ELP2: variants seen among roughly 807,000 people sequenced by gnomAD.
ELP2 encodes elongator acetyltransferase complex subunit 2, also known as elongator complex protein 2.
Under a neutral mutation model 119.2 loss-of-function variants are expected in ELP2, and 90 were observed. The ratio of observed to expected loss-of-function variants is 0.75; its 90% CI spans 0.64 to 0.90. The LOEUF (loss-of-function observed/expected upper bound fraction) is 0.90, where lower values mean the gene tolerates loss of function less well. Among genes scored for constraint, ELP2 ranks in the 40% least tolerant of loss-of-function variants. The pLI is 0.00. For missense variants in ELP2, 921 were observed against 967.8 expected (o/e 0.95, Z 0.64); for synonymous variants, 339 against 331.0 (o/e 1.02, Z -0.26).
At chr18:36,167,023 G>A (rs1251997863) in intron 18 of ELP2, 78 bp from the exon 19 acceptor site, 3 of 1,423,748 alleles carry the variant, frequency 2.1e-6, no homozygotes, top group Non-Finnish European at 1.9e-6. Context: ...GGTGTATATG[G>A]CACTTAAACA....
At position 36,154,992 on chromosome 18, in the gene ELP2, A is replaced by C. The variant is rs1014206139; in HGVS notation, c.1268A>C (p.Gln423Pro). Residue 423 changes from glutamine (Q) to proline (P), a missense_variant, in exon 12 of 22, where the codon CAA (glutamine) becomes CCA (proline). Transcript: ENST00000358232. Reference protein sequence around the residue: ...RLFAPWKRKDQSQVTWHEIAR... With the variant: ...RLFAPWKRKDPSQVTWHEIAR... The stretch of plus-strand genomic sequence containing the variant: ...TTTGCTCCATGGAAGAGAAAAGACC[A>C]ATCACAGGTAAAATGTCTTATTTAT... 4 of 1,612,262 alleles carry C rather than the reference A, an allele frequency of 2.5e-6. No individual in the cohort carries two copies. The highest frequency in any genetic ancestry group is 3.4e-6 in the Non-Finnish European group (4 of 1,178,280).
chr18:36,162,794 C>T (rs2090778715), intron 17 of ELP2, among the ~76,000 whole-genome samples: 1 of 152,122 alleles, frequency 6.6e-6, no homozygotes, highest in South Asian at 2.1e-4. Flanking sequence ...ATTTATATTT[C>T]TCTAATGATA....
rs113810922 is a variant in ELP2, at chr18:36,167,191, A to T, written c.2045A>T (p.Lys682Met). The change falls in exon 19 of 22, where the codon AAG becomes ATG. Residue 682 changes from lysine to methionine, a missense_variant. Lys to Met is a moderately conservative substitution (Grantham distance 95). Coordinates refer to ENST00000358232, the MANE Select transcript of ELP2 (RefSeq NM_018255.4). ...TCTTGTGATTGGAGTCCTGACAGCA[A>T]GTATTTCTTCACTGGGAGTCGAGAC... ...IWSCDWSPDSKYFFTGSRDKK... is the reference protein window; with the variant it reads ...IWSCDWSPDSMYFFTGSRDKK... 2.1e-5 allele frequency: 34 copies of T among 1,595,840 alleles called. No homozygotes were observed. The African/African-American group carries it at 3.2e-4, about 15-fold the overall frequency.
At chr18:36,158,522 C>T in intron 13 of ELP2, 1 of 265,670 alleles carries the variant, frequency 3.8e-6, no homozygotes, top group Non-Finnish European at 7.4e-6. Flanking sequence ...CCTGTCAGAC[C>T]CTGAAACCCA....
In ELP2 at chr18:36,154,998, A is replaced by T; in HGVS notation, c.1274A>T (p.Gln425Leu). Residue 425 changes from glutamine to leucine, a missense_variant and splice_region_variant, in exon 12 of 22, where the codon CAG (glutamine) becomes CTG (leucine). Gln to Leu is a moderately radical substitution (Grantham distance 113). Transcript: ENST00000358232. The part of the protein sequence containing the change: ...FAPWKRKDQS[Q>L]VTWHEIARPQ... The stretch of plus-strand genomic sequence containing the variant: ...CCATGGAAGAGAAAAGACCAATCAC[A>T]GGTAAAATGTCTTATTTATTTATTT... 6.2e-7 allele frequency: 1 copy of T among 1,611,086 alleles called. No individual in the cohort carries two copies. The highest frequency in any genetic ancestry group is 1.1e-5 in the South Asian group (1 of 90,990).
Position 36,170,865 on chromosome 18 carries a change from C to T in ELP2, c.2211-182C>T, listed in dbSNP as rs1055564326. ...ACACAGATAAATCTGTGTGCAGCCC[C>T]TGTAAAGAGGAGGCTCCTTGAGGAC... On this transcript the variant is annotated intron_variant, in intron 20 of 21. Coordinates refer to ENST00000358232, the MANE Select transcript of ELP2 (RefSeq NM_018255.4). The T allele has an allele frequency of 9.4e-6, 6 of 635,804 alleles. No homozygotes were observed. The Admixed American group carries it at 9.5e-5, about 10-fold the overall frequency. The allele number at this position is 635,804 out of a possible 1,614,324, so 39.4% of individuals were successfully genotyped here. A position where few individuals can be genotyped will look rare whatever the true frequency, so the allele number is the denominator to read the frequency against.
chr18:36,156,775 T>A (rs1334220806), intron 13 of ELP2, 121 bp downstream of exon 13: 1 of 958,174 alleles, frequency 1.0e-6, no homozygotes, highest in Non-Finnish European at 1.6e-6. Flanking sequence ...TGTTTCTTAA[T>A]GTAAGATGTG....
At chr18:36,164,370 C>A in intron 17 of ELP2, 105 bp from the exon 18 acceptor site, 2 of 1,127,450 alleles carry the variant, frequency 1.8e-6, no homozygotes, top group Non-Finnish European at 2.6e-6. Flanking sequence ...GGAATTCAAA[C>A]AGATAAATAA....
At chr18:36,133,434 T>C (rs2089707238) in intron 2 of ELP2, 118 bp downstream of exon 2, 2 of 750,258 alleles carry the variant, frequency 2.7e-6, no homozygotes, top group Non-Finnish European at 2.4e-6. Context: ...GTTATGCAAT[T>C]GGAGAAACAA....
chr18:36,130,132 T>C, intron 1 of ELP2, 61 bp downstream of exon 1: 5 of 1,609,220 alleles, frequency 3.1e-6, no homozygotes, highest in Non-Finnish European at 4.2e-6. Context: ...GTGGACGTGC[T>C]CCGGGCGCGC....
intron 3 of ELP2, 136 bp from the exon 4 acceptor site, chr18:36,138,134 A>G (rs2089896609): frequency 1.3e-6 from 1 of 779,946 alleles, no homozygotes; most frequent in Non-Finnish European, 2.1e-6. Flanking sequence ...ATGGTCAGAC[A>G]GACTTCTTGA....
At chr18:36,135,381 C>G (rs2089789012) in intron 2 of ELP2, among the ~76,000 whole-genome samples, 1 of 151,992 alleles carries the variant, frequency 6.6e-6, no homozygotes, top group Non-Finnish European at 1.5e-5. Context: ...TATAGACATT[C>G]TTAAAATCAT....
At position 36,176,853 on chromosome 18, in the gene ELP2, C is replaced by T. The variant is rs755535978; in HGVS notation, c.*2212C>T. The T allele has an allele frequency of 6.6e-6, 1 of 152,190 alleles. No individual in the cohort carries two copies. The highest frequency in any genetic ancestry group is 1.5e-5 in the Non-Finnish European group (1 of 68,038). 9.4% of individuals were successfully genotyped at this position (152,190 alleles called of 1,614,324 possible). On this transcript the variant is annotated 3_prime_UTR_variant, in exon 22 of 22. Coordinates refer to ENST00000358232, the MANE Select transcript of ELP2 (RefSeq NM_018255.4). Reference sequence around the variant, plus strand: ...ATGGCAAAAGTGGCAGTCCGTGACGCAGCCCTTGTTACCCCAGGCTATTAC... The same window carrying T: ...ATGGCAAAAGTGGCAGTCCGTGACGTAGCCCTTGTTACCCCAGGCTATTAC...
At chr18:36,154,489 A>C (rs1240654912) in intron 11 of ELP2, among the ~76,000 whole-genome samples, 1 of 152,250 alleles carries the variant, frequency 6.6e-6, no homozygotes, top group African/African-American at 2.4e-5. Context: ...TGTCCTGTGT[A>C]CTTTACAAAA....
At chr18:36,149,808 C>T (rs913352055) in intron 11 of ELP2, among the ~76,000 whole-genome samples, 6 of 151,978 alleles carry the variant, frequency 3.9e-5, no homozygotes, top group African/African-American at 1.5e-4. Flanking sequence ...TGTAAGCCAG[C>T]CCTTCATGCT....
intron 16 of ELP2, among the ~76,000 whole-genome samples, chr18:36,160,279 T>C (rs931182581): frequency 6.6e-5 from 10 of 152,038 alleles, no homozygotes; most frequent in Admixed American, 2.0e-4. Context: ...ATTTTTTCTT[T>C]ATTAAGAAGA....
At position 36,158,440 on chromosome 18, in the gene ELP2, A is replaced by G. The variant is rs1651694018; in HGVS notation, c.1465-395A>G. ...AAGCATCTGTGTTTATATGAGCATC[A>G]TCAGGGGATGTGCCTGTGAGATTAT... On this transcript the variant is annotated intron_variant, in intron 13 of 21. Coordinates refer to ENST00000358232, the MANE Select transcript of ELP2 (RefSeq NM_018255.4). The G allele has an allele frequency of 1.7e-5, 3 of 181,692 alleles. 1 individual carries two copies. In the South Asian group the frequency reaches 3.6e-4, roughly 22 times the overall value. 11.3% of individuals were successfully genotyped at this position (181,692 alleles called of 1,614,324 possible).
intron 11 of ELP2, among the ~76,000 whole-genome samples, chr18:36,150,412 G>A (rs1385011643): frequency 6.6e-6 from 1 of 152,152 alleles, no homozygotes; most frequent in East Asian, 1.9e-4. Flanking sequence ...GAACTCTTCC[G>A]GACACTGCCA....
rs2091229568 is a variant in ELP2, at chr18:36,176,710, T to C, written c.*2069T>C. 2 of 152,230 alleles carry C rather than the reference T, an allele frequency of 1.3e-5. No individual in the cohort carries two copies. Among genetic ancestry groups the C allele is most frequent in the African/African-American group, 4.8e-5 (2 of 41,458 alleles). 9.4% of individuals were successfully genotyped at this position (152,230 alleles called of 1,614,324 possible). A position where few individuals can be genotyped will look rare whatever the true frequency, so the allele number is the denominator to read the frequency against. ...GCTAAAGCACCTTTGAACCATATTGTAATTCATAATATCTGAAGCAATTAT... is the reference window on the plus strand; with the variant it reads ...GCTAAAGCACCTTTGAACCATATTGCAATTCATAATATCTGAAGCAATTAT... On this transcript the variant is annotated 3_prime_UTR_variant, in exon 22 of 22. Coordinates refer to ENST00000358232, the MANE Select transcript of ELP2 (RefSeq NM_018255.4).
Sources: allele counts gnomAD v4.1 joint callset (sites outside exome capture counted in the v4.1 genomes callset), GRCh38; gene constraint gnomAD v4.1.1; transcripts MANE v1.5; gene names NCBI Gene and HGNC (gene_info 2026-07-23, HGNC 2026-07-21).